GALNT17: variants seen among roughly 807,000 people sequenced by gnomAD.
The protein encoded by GALNT17 is polypeptide N-acetylgalactosaminyltransferase 17.
Under a neutral mutation model 63.7 loss-of-function variants are expected in GALNT17, and 29 were observed. The ratio of observed to expected loss-of-function variants is 0.46; its 90% confidence interval spans 0.34 to 0.62. The LOEUF is 0.62. GALNT17 is among the 20% of genes least tolerant of loss of function. The pLI is 0.01. For synonymous variants in GALNT17, 305 were observed against 318.3 expected, an observed-to-expected ratio of 0.96 and a Z score of 0.45; for missense variants, 603 against 799.6, an observed-to-expected ratio of 0.75 and a Z score of 2.97.
At chr7:71,480,919 G>T (rs1327185070) in intron 5 of GALNT17, among the ~76,000 whole-genome samples, 1 of 152,170 alleles carries the variant, frequency 6.6e-6, no homozygotes, top group Non-Finnish European at 1.5e-5. Context: ...TTTCTTGAAT[G>T]AGCCCTTTCA....
At chr7:71,511,775 C>T (rs1249241547) in intron 5 of GALNT17, among the ~76,000 whole-genome samples, 2 of 152,142 alleles carry the variant, frequency 1.3e-5, no homozygotes, top group African/African-American at 4.8e-5. Context: ...GGTGGCAGTC[C>T]TGCATATCAC....
chr7:71,294,275 G>A (rs1338092628), intron 1 of GALNT17, among the ~76,000 whole-genome samples: 3 of 151,956 alleles, frequency 2.0e-5, no homozygotes, highest in Admixed American at 2.0e-4. Context: ...GAGACTGGAT[G>A]TTTATTTCTC....
intron 5 of GALNT17, among the ~76,000 whole-genome samples, chr7:71,525,303 A>C (rs1276740567): frequency 6.6e-6 from 1 of 151,824 alleles, no homozygotes; most frequent in East Asian, 2.0e-4. Flanking sequence ...AGCCTCCCAA[A>C]TAGCTGGGAC....
intron 1 of GALNT17, among the ~76,000 whole-genome samples, chr7:71,193,454 CTTT>C (rs1159902249): frequency 1.4e-4 from 15 of 107,304 alleles, no homozygotes; most frequent in Admixed American, 1.1e-4. Flanking sequence ...ACGCTTTTGT[CTTT>C]TTTTTTTTTT....
At position 71,362,101 on chromosome 7, in the gene GALNT17, C is replaced by T. The variant is rs542570859; in HGVS notation, c.423-26134C>T. Among the ~76,000 whole-genome samples the T allele has an allele frequency of 1.6e-3, 246 of 152,172 alleles. 1 individual carries two copies. The highest frequency in any genetic ancestry group is 6.8e-3 in the Middle Eastern group (2 of 292). Reference sequence around the variant, plus strand: ...CCTCCCGAGTGGCTAGGATTACAGGCGCCTGCCACCACGCCTGGCTAATTT... The same window carrying T: ...CCTCCCGAGTGGCTAGGATTACAGGTGCCTGCCACCACGCCTGGCTAATTT... On this transcript the variant is annotated intron_variant, in intron 2 of 10. Transcript: ENST00000333538.
At chr7:71,258,242 A>G (rs1790322864) in intron 1 of GALNT17, among the ~76,000 whole-genome samples, 1 of 152,240 alleles carries the variant, frequency 6.6e-6, no homozygotes, top group Non-Finnish European at 1.5e-5. Flanking sequence ...TGTGTCAACA[A>G]GAAGCATTTG....
Position 71,375,792 on chromosome 7 carries a change from A to T in GALNT17, c.423-12443A>T, listed in dbSNP as rs144741367. On this transcript the variant is annotated intron_variant, in intron 2 of 10. Transcript: ENST00000333538. ...GCTCATGCCTGTAATCCCAGCCAAA[A>T]ATCTGTGGGGCTCAGCTTTCCTTGG... is the stretch of plus-strand genomic sequence containing the variant. 5.6e-4 allele frequency among the ~76,000 whole-genome samples: 85 copies of T among 152,250 alleles called. 1 individual carries two copies. The East Asian group carries it at 0.016, about 29-fold the overall frequency.
chr7:71,349,821 T>G (rs1792159760), intron 2 of GALNT17, among the ~76,000 whole-genome samples: 1 of 152,192 alleles, frequency 6.6e-6, no homozygotes, highest in African/African-American at 2.4e-5. Flanking sequence ...AAGTGTTTTA[T>G]GAACACAAAT....
At chr7:71,273,862 A>T (rs1162884304) in intron 1 of GALNT17, among the ~76,000 whole-genome samples, 2 of 152,016 alleles carry the variant, frequency 1.3e-5, no homozygotes, top group Non-Finnish European at 2.9e-5. Context: ...TGTGAGAGAG[A>T]GAGAGAGAGA....
chr7:71,235,856 C>T (rs897711772), intron 1 of GALNT17, among the ~76,000 whole-genome samples: 1 of 152,220 alleles, frequency 6.6e-6, no homozygotes, highest in African/African-American at 2.4e-5. Flanking sequence ...TTCCCAGTGT[C>T]CTTGGATTTG....
chr7:71,411,024 A>G (rs1269884925), intron 3 of GALNT17, among the ~76,000 whole-genome samples: 1 of 152,176 alleles, frequency 6.6e-6, no homozygotes, highest in African/African-American at 2.4e-5. Context: ...TTTTGTGAGG[A>G]AAAAAGAAAG....
intron 3 of GALNT17, among the ~76,000 whole-genome samples, chr7:71,413,579 G>A (rs1332543803): frequency 6.6e-6 from 1 of 151,418 alleles, no homozygotes. Flanking sequence ...TCTCCATGGT[G>A]GCCAGGCTGG....
chr7:71,402,678 G>A (rs1793260654), intron 3 of GALNT17, among the ~76,000 whole-genome samples: 2 of 152,132 alleles, frequency 1.3e-5, no homozygotes, highest in Admixed American at 1.3e-4. Flanking sequence ...AAGGTTGAAA[G>A]CAAGATGGCT....
At chr7:71,540,412 T>C (rs4719142) in intron 5 of GALNT17, among the ~76,000 whole-genome samples, 34,889 of 151,782 alleles carry the variant, frequency 0.23, 4,158 homozygotes, top group Admixed American at 0.27. Flanking sequence ...CCACTGTGTC[T>C]GGTCCATGCC....
rs1386310456 is a variant in GALNT17, at chr7:71,488,132, C to T, written c.962+67027C>T. 2.0e-5 allele frequency among the ~76,000 whole-genome samples: 3 copies of T among 147,592 alleles called. No individual in the cohort carries two copies. In the East Asian group the frequency reaches 5.9e-4, roughly 29 times the overall value. ...GCAGTGAGCTATGATTTTGTCACTA[C>T]ACTCCAGCCTGGGCAACAGAGCAAG... On this transcript the variant is annotated intron_variant, in intron 5 of 10. Transcript: ENST00000333538.
intron 1 of GALNT17, among the ~76,000 whole-genome samples, chr7:71,158,538 G>T (rs1256101061): frequency 6.6e-6 from 1 of 151,264 alleles, no homozygotes; most frequent in Non-Finnish European, 1.5e-5. Flanking sequence ...GGGATTACAG[G>T]TGCCTGCCAC....
intron 1 of GALNT17, among the ~76,000 whole-genome samples, chr7:71,232,912 C>T (rs1039481479): frequency 6.6e-6 from 1 of 152,056 alleles, no homozygotes; most frequent in Non-Finnish European, 1.5e-5. Context: ...TTACCAATCT[C>T]GTCCAAAGTC....
intron 6 of GALNT17, among the ~76,000 whole-genome samples, chr7:71,598,941 G>A (rs1299913181): frequency 2.0e-5 from 3 of 152,170 alleles, no homozygotes; most frequent in African/African-American, 4.8e-5. Context: ...ATGGAAGCAT[G>A]GCTTGAAAGT....
intron 1 of GALNT17, among the ~76,000 whole-genome samples, chr7:71,251,416 C>T (rs953372029): frequency 6.6e-6 from 1 of 152,186 alleles, no homozygotes; most frequent in African/African-American, 2.4e-5. Context: ...CAATACCTTT[C>T]TCCTTTTCTT....
Sources: gnomAD v4.1 joint callset for allele counts (sites outside exome capture counted in the v4.1 genomes callset) on GRCh38, gnomAD v4.1.1 for gene constraint, MANE v1.5 for transcripts, NCBI Gene and HGNC (gene_info 2026-07-23, HGNC 2026-07-21) for gene names.